SLC44A5: variants seen among roughly 807,000 people sequenced by gnomAD.
SLC44A5 encodes solute carrier family 44 member 5.
In SLC44A5, 57 loss-of-function variants were observed where a neutral mutation model predicts 101.8. The ratio of observed to expected loss-of-function variants is 0.56; its 90% CI spans 0.45 to 0.70. The LOEUF is 0.70. Ranked by LOEUF, SLC44A5 falls within the 30% of genes least tolerant of loss-of-function variation. SLC44A5 has a pLI of 0.00. For synonymous variants in SLC44A5, 281 were observed against 290.9 expected (o/e 0.97, Z 0.35); for missense variants, 737 against 853.1 (o/e 0.86, Z 1.70).
the SLC44A5 span, among the ~76,000 whole-genome samples, chr1:75,656,016 A>G: frequency 6.6e-6 from 1 of 152,200 alleles, no homozygotes; most frequent in South Asian, 2.1e-4. Flanking sequence ...GCAAGAGAAA[A>G]AAAGCAAATA....
At chr1:75,683,448 C>T in the SLC44A5 span, among the ~76,000 whole-genome samples, 1 of 151,720 alleles carries the variant, frequency 6.6e-6, no homozygotes, top group Non-Finnish European at 1.5e-5. Flanking sequence ...GAGTTCATGT[C>T]CTTTGTAGGG....
At chr1:75,723,312 G>A in the SLC44A5 span, among the ~76,000 whole-genome samples, 1 of 152,138 alleles carries the variant, frequency 6.6e-6, no homozygotes, top group Non-Finnish European at 1.5e-5. Flanking sequence ...GCAACACTGA[G>A]CGCCCGTTCC....
intron 3 of SLC44A5, among the ~76,000 whole-genome samples, chr1:75,378,921 C>T (rs1293012183): frequency 1.2e-5 from 1 of 81,862 alleles, no homozygotes; most frequent in Non-Finnish European, 2.1e-5. Context: ...GGCAGGGCGC[C>T]ATACCCTCAG....
the SLC44A5 span, among the ~76,000 whole-genome samples, chr1:75,622,783 C>T: frequency 6.6e-6 from 1 of 152,096 alleles, no homozygotes; most frequent in Non-Finnish European, 1.5e-5. Flanking sequence ...TTCTATATTA[C>T]TCCTGCCAGC....
the SLC44A5 span, among the ~76,000 whole-genome samples, chr1:75,649,101 A>G: frequency 2.2e-4 from 34 of 152,202 alleles, no homozygotes; most frequent in African/African-American, 8.0e-4. Context: ...GTAATGTTGC[A>G]TGTCTTTACA....
rs147057737 is a variant in SLC44A5 at position 75,478,339 on chromosome 1, A to C, written c.13+63096T>G. Among the ~76,000 whole-genome samples the C allele has an allele frequency of 9.2e-3, 1,404 of 152,374 alleles. 22 individuals carry two copies. Among genetic ancestry groups the C allele is most frequent in the African/African-American group, 0.032 (1,338 of 41,582 alleles). On this transcript the variant is annotated intron_variant, in intron 2 of 23. Transcript: ENST00000370859. ...ACCATCGAGGCTAGGAAGAAACTGC[A>C]TGAACTAACGAGCAAAATAACCAGC...
intron 4 of SLC44A5, among the ~76,000 whole-genome samples, chr1:75,317,833 T>C (rs1448691409): frequency 1.3e-5 from 2 of 152,096 alleles, no homozygotes; most frequent in Non-Finnish European, 2.9e-5. Context: ...ATCCCATCAG[T>C]AGGACCCACC....
chr1:75,679,176 G>T, the SLC44A5 span, among the ~76,000 whole-genome samples: 2 of 152,186 alleles, frequency 1.3e-5, no homozygotes, highest in African/African-American at 4.8e-5. Context: ...GAACCAAGTT[G>T]GAAAACACTC....
chr1:75,473,862 A>G (rs1667242627), intron 2 of SLC44A5, among the ~76,000 whole-genome samples: 1 of 152,132 alleles, frequency 6.6e-6, no homozygotes, highest in Non-Finnish European at 1.5e-5. Flanking sequence ...AGCTGGTGGC[A>G]GTATATTTAG....
chr1:75,358,044 A>G (rs1028516207), intron 3 of SLC44A5, among the ~76,000 whole-genome samples: 1 of 151,940 alleles, frequency 6.6e-6, no homozygotes, highest in Admixed American at 6.6e-5. Context: ...TACACACAAC[A>G]TAGTCCTGCA....
At chr1:75,207,955 G>A (rs965026149) in intron 23 of SLC44A5, among the ~76,000 whole-genome samples, 1 of 152,078 alleles carries the variant, frequency 6.6e-6, no homozygotes, top group African/African-American at 2.4e-5. Flanking sequence ...AGCTTTCTCA[G>A]TTATCTGTTG....
At chr1:75,699,171 C>T in the SLC44A5 span, among the ~76,000 whole-genome samples, 5 of 151,870 alleles carry the variant, frequency 3.3e-5, no homozygotes, top group African/African-American at 9.7e-5. Flanking sequence ...AGATACTCCT[C>T]GAGAAGAGCA....
chr1:75,374,144 TC>T (rs1660410189), intron 3 of SLC44A5, among the ~76,000 whole-genome samples: 2 of 152,164 alleles, frequency 1.3e-5, no homozygotes, highest in Non-Finnish European at 2.9e-5. Flanking sequence ...TTGGGCCTGT[TC>T]TTACGCAGGC....
At chr1:75,577,574 A>G (rs1673443997) in intron 1 of SLC44A5, among the ~76,000 whole-genome samples, 1 of 152,186 alleles carries the variant, frequency 6.6e-6, no homozygotes, top group Non-Finnish European at 1.5e-5. Context: ...CCTTCTTAAA[A>G]TGAAAGACCA....
the SLC44A5 span, among the ~76,000 whole-genome samples, chr1:75,676,900 T>C: frequency 6.6e-6 from 1 of 152,090 alleles, no homozygotes; most frequent in Non-Finnish European, 1.5e-5. Context: ...TAATATAAAA[T>C]GGAGTATTTC....
intron 5 of SLC44A5, among the ~76,000 whole-genome samples, chr1:75,288,557 C>T (rs894591196): frequency 1.3e-5 from 2 of 152,140 alleles, no homozygotes; most frequent in Non-Finnish European, 2.9e-5. Flanking sequence ...TACTATTTCT[C>T]AACACATTCT....
chr1:75,471,843 A>T (rs1667129087), intron 2 of SLC44A5, among the ~76,000 whole-genome samples: 1 of 150,776 alleles, frequency 6.6e-6, no homozygotes, highest in South Asian at 2.1e-4. Context: ...ACTTCTGCAC[A>T]TTCCTAAGGA....
chr1:75,644,302 T>C, the SLC44A5 span, among the ~76,000 whole-genome samples: 7 of 152,102 alleles, frequency 4.6e-5, no homozygotes, highest in African/African-American at 1.7e-4. Flanking sequence ...TGCATTTATG[T>C]ATATTTAAAA....
intron 4 of SLC44A5, among the ~76,000 whole-genome samples, chr1:75,335,019 G>A (rs1415987867): frequency 1.3e-5 from 2 of 152,176 alleles, no homozygotes; most frequent in South Asian, 2.1e-4. Context: ...GTGAGTAACA[G>A]TTTTGATCAT....
Sources: gnomAD v4.1 joint callset for allele counts (sites outside exome capture counted in the v4.1 genomes callset) on GRCh38, gnomAD v4.1.1 for gene constraint, MANE v1.5 for transcripts, NCBI Gene and HGNC (gene_info 2026-07-23, HGNC 2026-07-21) for gene names.